Variants in LLGL2 observed in about 807,000 individuals in gnomAD.
LLGL2 encodes LLGL scribble cell polarity complex component 2.
In LLGL2, 81 loss-of-function variants were observed where a neutral mutation model predicts 123.2. The ratio of observed to expected loss-of-function variants is 0.66; its 90% confidence interval spans 0.55 to 0.79. The LOEUF (loss-of-function observed/expected upper bound fraction) is 0.79, where lower values mean the gene tolerates loss of function less well. Among genes scored for constraint, LLGL2 ranks in the 30% least tolerant of loss-of-function variants. The pLI is 0.00. For missense variants in LLGL2, 1,273 were observed against 1,414.6 expected (o/e 0.90, Z 1.61); for synonymous variants, 577 against 594.1 (o/e 0.97, Z 0.42).
Position 75,570,435 on chromosome 17 carries a change from C to G in LLGL2, c.1962C>G (p.Phe654Leu). Residue 654 changes from phenylalanine to leucine, a missense_variant, in exon 16 of 26, where the codon TTC (phenylalanine) becomes TTG (leucine). By Grantham distance (22) the Phe-to-Leu change is conservative. Coordinates refer to ENST00000392550, the MANE Select transcript of LLGL2 (RefSeq NM_001031803.2). Reference sequence around the variant, plus strand: ...TCAAGAAGTCCTTGCGTCAGTCATTCCGCCGGATGCGTCGGAGCCGGGTGT... The same window carrying G: ...TCAAGAAGTCCTTGCGTCAGTCATTGCGCCGGATGCGTCGGAGCCGGGTGT... ...KSLKKSLRQS[F>L]RRMRRSRVSS... is the part of the protein sequence containing the mutation. 6.2e-7 allele frequency: 1 copy of G among 1,603,202 alleles called. No homozygotes were observed. Among genetic ancestry groups the G allele is most frequent in the Non-Finnish European group, 8.5e-7 (1 of 1,175,890 alleles).
In LLGL2 at chr17:75,543,472, C is replaced by G; in HGVS notation, c.46C>G (p.Leu16Val). 1 of 1,612,288 alleles carries G rather than the reference C, an allele frequency of 6.2e-7. No homozygotes were observed. The highest frequency in any genetic ancestry group is 8.5e-7 in the Non-Finnish European group (1 of 1,178,992). Residue 16 changes from leucine to valine, a missense_variant, in exon 2 of 26, where the codon CTC (leucine) becomes GTC (valine). Leu to Val is a conservative substitution (Grantham distance 32). Transcript: ENST00000392550. ...AGGGCATGACCCTGTGCGGGAGAGG[C>G]TCAAGCGGGACCTGTTCCAGTTTAA... ...RPGHDPVRER[L>V]KRDLFQFNKT...
rs1416991746 is a variant in LLGL2 at position 75,558,097 on chromosome 17, T to C, written c.174-58T>C. 7.2e-6 allele frequency: 11 copies of C among 1,537,700 alleles called. No homozygotes were observed. Among genetic ancestry groups the C allele is most frequent in the Non-Finnish European group, 9.9e-6 (11 of 1,111,002 alleles). On this transcript the variant is annotated intron_variant, in intron 3 of 25. Transcript: ENST00000392550. The surrounding 1 kb of genome is among the most constrained non-coding windows in gnomAD (Gnocchi z 4.0). ...CACATGGGCCCCGAGGGCCTGGCAC[T>C]CAAGGCAGGCAGGGGATGGTGTCCG...
At position 75,548,402 on chromosome 17, in the gene LLGL2, C is replaced by T. The variant is rs189527708; in HGVS notation, c.75+4901C>T. 8.6e-5 allele frequency among the ~76,000 whole-genome samples: 13 copies of T among 151,858 alleles called. No homozygotes were observed. The East Asian group carries it at 2.0e-3, about 23-fold the overall frequency. ...AAGGGATTCTCCAGCCTCAGCCTCC[C>T]ACATAGCTGGGATTACAGGCATGTG... On this transcript the variant is annotated intron_variant, in intron 2 of 25. Coordinates refer to ENST00000392550, the MANE Select transcript of LLGL2 (RefSeq NM_001031803.2).
rs747727520 is a variant in LLGL2 at position 75,573,468 on chromosome 17, C to T, written c.2726-13C>T. ...CGCCAGGCCAGGCCGCTAGCATTGC[C>T]CCCACTCCCCAGGCTTCTACCTGAT... is the stretch of plus-strand genomic sequence containing the variant. On this transcript the variant is annotated splice_polypyrimidine_tract_variant and intron_variant, in intron 20 of 25. Transcript: ENST00000392550. 6.3e-7 allele frequency: 1 copy of T among 1,598,282 alleles called. No homozygotes were observed. The highest frequency in any genetic ancestry group is 8.6e-7 in the Non-Finnish European group (1 of 1,167,796).
intron 2 of LLGL2, among the ~76,000 whole-genome samples, chr17:75,553,408 G>T (rs1047128257): frequency 6.6e-6 from 1 of 152,238 alleles, no homozygotes; most frequent in Non-Finnish European, 1.5e-5. Flanking sequence ...CCCAGCATGG[G>T]ATTCCTTGTG....
At chr17:75,529,036 A>T (rs2053677508) in intron 1 of LLGL2, among the ~76,000 whole-genome samples, 1 of 151,366 alleles carries the variant, frequency 6.6e-6, no homozygotes. Flanking sequence ...AGCGCCTGTA[A>T]TCCCAGCTAC....
intron 2 of LLGL2, among the ~76,000 whole-genome samples, chr17:75,551,099 C>T (rs149332090): frequency 1.4e-3 from 216 of 152,306 alleles, no homozygotes; most frequent in African/African-American, 5.0e-3. Flanking sequence ...GTCATTTACA[C>T]ATGAAACCAT....
chr17:75,563,690 G>C (rs1318087584), intron 8 of LLGL2, 62 bp from the exon 9 acceptor site: 1 of 1,582,942 alleles, frequency 6.3e-7, no homozygotes, highest in Non-Finnish European at 8.7e-7. Context: ...ATCTGTGCCT[G>C]TGGGGACTGA....
intron 14 of LLGL2, 97 bp from the exon 15 acceptor site, chr17:75,569,866 C>T (rs913912499): frequency 7.4e-7 from 1 of 1,354,370 alleles, no homozygotes; most frequent in African/African-American, 1.5e-5. Flanking sequence ...TTCCTTGAGC[C>T]TTGGGCCCAG....
At chr17:75,574,185 G>A in intron 22 of LLGL2, 28 bp from the exon 23 acceptor site, 1 of 1,521,192 alleles carries the variant, frequency 6.6e-7, no homozygotes, top group Non-Finnish European at 8.8e-7. Flanking sequence ...CCCAGGCGGG[G>A]CGCCCTGACC....
At chr17:75,561,377 C>T (rs1229128991) in intron 6 of LLGL2, among the ~76,000 whole-genome samples, 2 of 152,200 alleles carry the variant, frequency 1.3e-5, no homozygotes, top group African/African-American at 4.8e-5. Flanking sequence ...CAGTTGCTCA[C>T]ACTTTGGGAG....
intron 6 of LLGL2, among the ~76,000 whole-genome samples, chr17:75,561,102 G>A (rs2147421894): frequency 6.6e-6 from 1 of 152,318 alleles, no homozygotes; most frequent in East Asian, 1.9e-4. Flanking sequence ...AAAGTGCTGG[G>A]ATTACAGGTG....
chr17:75,552,734 C>A (rs1345846808), intron 2 of LLGL2, among the ~76,000 whole-genome samples: 2 of 152,182 alleles, frequency 1.3e-5, no homozygotes, highest in Non-Finnish European at 2.9e-5. Flanking sequence ...TGAGTCCAGC[C>A]CCTGTTCTTC....
At chr17:75,569,403 C>G (rs999469420) in intron 14 of LLGL2, 78 bp downstream of exon 14, 9 of 1,183,776 alleles carry the variant, frequency 7.6e-6, no homozygotes, top group African/African-American at 1.5e-5. Flanking sequence ...GAGCCAACCA[C>G]CTGCCTAACG....
At position 75,558,703 on chromosome 17, in the gene LLGL2, C is replaced by A; in HGVS notation, c.371+76C>A. 8.6e-7 allele frequency: 1 copy of A among 1,165,472 alleles called. No homozygotes were observed. Among genetic ancestry groups the A allele is most frequent in the Middle Eastern group, 2.7e-4 (1 of 3,696 alleles). The allele number at this position is 1,165,472 out of a possible 1,614,324, so 72.2% of individuals were successfully genotyped here. ...GCCCTTAGCTCTGGAGTGGACTCACCCTTTGTGAGGCCTGTTGCGCCCCTG... is the reference window on the plus strand; with the variant it reads ...GCCCTTAGCTCTGGAGTGGACTCACACTTTGTGAGGCCTGTTGCGCCCCTG... On this transcript the variant is annotated intron_variant, in intron 5 of 25. Transcript: ENST00000392550. This position sits in a 1 kb window ranked among gnomAD's most constrained non-coding sequence, Gnocchi z 4.0.
chr17:75,573,752 C>A, intron 21 of LLGL2, 121 bp downstream of exon 21: 2 of 1,258,956 alleles, frequency 1.6e-6, no homozygotes, highest in South Asian at 2.8e-5. Context: ...GCCCACCCTC[C>A]CAGGCTCCGG....
chr17:75,541,439 T>G (rs1270319043), intron 1 of LLGL2, among the ~76,000 whole-genome samples: 1 of 152,194 alleles, frequency 6.6e-6, no homozygotes, highest in Non-Finnish European at 1.5e-5. Flanking sequence ...CCAGAAGCCC[T>G]TGGGGCTTTC....
intron 6 of LLGL2, among the ~76,000 whole-genome samples, chr17:75,561,120 C>A (rs2055199799): frequency 6.6e-6 from 1 of 152,210 alleles, no homozygotes; most frequent in Non-Finnish European, 1.5e-5. Context: ...GTGTGAGCCA[C>A]CAGGCCCAGC....
In LLGL2 at chr17:75,558,444, TGGCCCCAGTGTGTAAA is replaced by T. The variant is rs2055018679; in HGVS notation, c.256-63_256-48del. 143 of 1,340,994 alleles carry T rather than the reference TGGCCCCAGTGTGTAAA, an allele frequency of 1.1e-4. 3 individuals are homozygous for T. In the South Asian group the frequency reaches 1.7e-3, roughly 16 times the overall value. 83.1% of individuals were successfully genotyped at this position (1,340,994 alleles called of 1,614,324 possible). A position where few individuals can be genotyped will look rare whatever the true frequency, so the allele number is the denominator to read the frequency against. On this transcript the variant is annotated intron_variant, in intron 4 of 25. Transcript: ENST00000392550. This position sits in a 1 kb window ranked among gnomAD's most constrained non-coding sequence, Gnocchi z 4.0. ...GGTCTTTTAAACAACTGGGGCTGCG[TGGCCCCAGTGTGTAAA>T]GGCCTTGCCTGGGTAGCAAGACCAC...
Sources: allele counts gnomAD v4.1 joint callset (sites outside exome capture counted in the v4.1 genomes callset), GRCh38; gene constraint gnomAD v4.1.1; non-coding constraint Gnocchi (gnomAD v3.1); transcripts MANE v1.5; gene names NCBI Gene and HGNC (gene_info 2026-07-23, HGNC 2026-07-21).